Variants in SLC9A9 observed in about 807,000 individuals in gnomAD.
SLC9A9 encodes solute carrier family 9 member A9.
A neutral mutation model predicts 77.8 loss-of-function variants in SLC9A9; 62 were observed. The ratio of observed to expected loss-of-function variants is 0.80; its 90% CI spans 0.65 to 0.98. The LOEUF (loss-of-function observed/expected upper bound fraction) is 0.98, where lower values mean the gene tolerates loss of function less well. Ranked by LOEUF, SLC9A9 falls within the 50% of genes least tolerant of loss-of-function variation. The pLI is 0.00. For missense variants in SLC9A9, 775 were observed against 774.9 expected, an observed-to-expected ratio of 1.00 and a Z score of 0.00; for synonymous variants, 320 against 283.5, an observed-to-expected ratio of 1.13 and a Z score of -1.29.
chr3:143,537,240 A>T (rs569499051), intron 9 of SLC9A9, among the ~76,000 whole-genome samples: 1 of 152,342 alleles, frequency 6.6e-6, no homozygotes, highest in East Asian at 1.9e-4. Flanking sequence ...CAGACTAAAT[A>T]AATTAGAAAT....
intron 8 of SLC9A9, among the ~76,000 whole-genome samples, chr3:143,568,074 A>G (rs78140166): frequency 0.047 from 7,142 of 152,228 alleles, 267 homozygotes; most frequent in African/African-American, 0.096. Context: ...TAGCATAATC[A>G]GAAAGGAATT....
chr3:143,674,999 T>C (rs1040341509), intron 5 of SLC9A9, among the ~76,000 whole-genome samples: 1 of 152,170 alleles, frequency 6.6e-6, no homozygotes, highest in African/African-American at 2.4e-5. Flanking sequence ...GTGTTGGACT[T>C]GACCCTGGAC....
intron 9 of SLC9A9, chr3:143,517,012 C>T (rs967991915): frequency 4.0e-5 from 28 of 698,640 alleles, no homozygotes; most frequent in Admixed American, 4.7e-5. Context: ...TGAGTTTGAG[C>T]AATTTCTGTT....
chr3:143,580,833 G>A (rs745349247), intron 6 of SLC9A9, among the ~76,000 whole-genome samples: 1 of 152,172 alleles, frequency 6.6e-6, no homozygotes, highest in African/African-American at 2.4e-5. Context: ...TATGGAGATT[G>A]TCCATTGAAT....
At chr3:143,424,417 A>G (rs1212491365) in intron 12 of SLC9A9, among the ~76,000 whole-genome samples, 2 of 151,846 alleles carry the variant, frequency 1.3e-5, no homozygotes, top group African/African-American at 4.8e-5. Flanking sequence ...AGCTGGGACT[A>G]CAGGCGCCCA....
chr3:143,267,907 G>T (rs1395614060), intron 15 of SLC9A9, among the ~76,000 whole-genome samples: 2 of 152,216 alleles, frequency 1.3e-5, no homozygotes, highest in Non-Finnish European at 2.9e-5. Context: ...TAGGGCAGTG[G>T]TTTCCAACTT....
At chr3:143,397,409 A>G (rs942944792) in intron 12 of SLC9A9, among the ~76,000 whole-genome samples, 46 of 152,310 alleles carry the variant, frequency 3.0e-4, no homozygotes, top group Admixed American at 2.4e-3. Context: ...AAAAAGAGGG[A>G]CATTTTATCA....
chr3:143,323,777 A>G (rs371396553), intron 14 of SLC9A9, among the ~76,000 whole-genome samples: 3 of 152,336 alleles, frequency 2.0e-5, no homozygotes, highest in African/African-American at 7.2e-5. Context: ...AATGTACTCT[A>G]TATTTGTACA....
intron 11 of SLC9A9, among the ~76,000 whole-genome samples, chr3:143,481,721 T>C (rs895394373): frequency 6.6e-6 from 1 of 152,204 alleles, no homozygotes; most frequent in South Asian, 2.1e-4. Context: ...AGGGATGCCA[T>C]AGCTGCTGGC....
At chr3:143,598,509 A>G (rs773937290) in intron 6 of SLC9A9, among the ~76,000 whole-genome samples, 1 of 152,246 alleles carries the variant, frequency 6.6e-6, no homozygotes, top group African/African-American at 2.4e-5. Context: ...CAGTTTTCTC[A>G]GGCAGATTCT....
At chr3:143,667,779 T>C (rs2039093413) in intron 5 of SLC9A9, among the ~76,000 whole-genome samples, 1 of 152,116 alleles carries the variant, frequency 6.6e-6, no homozygotes, top group Non-Finnish European at 1.5e-5. Context: ...AAAACCACAA[T>C]GAGAGAACAT....
At chr3:143,743,327 GATTT>G (rs1369968504) in intron 4 of SLC9A9, among the ~76,000 whole-genome samples, 1 of 151,884 alleles carries the variant, frequency 6.6e-6, no homozygotes, top group Non-Finnish European at 1.5e-5. Context: ...GATGAGAGGG[GATTT>G]ATTAGGGGAA....
rs556954738 is a variant in SLC9A9 at position 143,498,184 on chromosome 3, G to A, written c.1090-2736C>T. Among the ~76,000 whole-genome samples the A allele has an allele frequency of 3.7e-4, 57 of 152,228 alleles. No individual in the cohort carries two copies. The South Asian group carries it at 5.0e-3, about 13-fold the overall frequency. ...AAAGTTTTGTTTTGCATTAAGGTCC[G>A]TTTTTGAACCTGCTCTTTGTTCGTG... On this transcript the variant is annotated intron_variant, in intron 9 of 15. Coordinates refer to ENST00000316549, the MANE Select transcript of SLC9A9 (RefSeq NM_173653.4).
intron 2 of SLC9A9, among the ~76,000 whole-genome samples, chr3:143,822,579 C>T (rs1316975910): frequency 6.6e-6 from 1 of 152,186 alleles, no homozygotes; most frequent in East Asian, 1.9e-4. Context: ...GAGCCTACCT[C>T]AGGCTGTATC....
At chr3:143,328,766 T>G (rs1252609189) in intron 14 of SLC9A9, among the ~76,000 whole-genome samples, 1 of 152,220 alleles carries the variant, frequency 6.6e-6, no homozygotes, top group Non-Finnish European at 1.5e-5. Flanking sequence ...TCTCCTTGAT[T>G]AGCTTGATTT....
chr3:143,346,286 G>A (rs1486302035), intron 14 of SLC9A9, among the ~76,000 whole-genome samples: 1 of 152,114 alleles, frequency 6.6e-6, no homozygotes, highest in Non-Finnish European at 1.5e-5. Flanking sequence ...AACAATGGAG[G>A]GAGAGGATGA....
chr3:143,478,506 C>T (rs1205046785), intron 11 of SLC9A9, among the ~76,000 whole-genome samples: 1 of 152,186 alleles, frequency 6.6e-6, no homozygotes, highest in East Asian at 1.9e-4. Flanking sequence ...CTCACAGAGG[C>T]TTGGTCAGTC....
Position 143,266,860 on chromosome 3 carries a change from G to C in SLC9A9, c.1780C>G (p.Gln594Glu). Residue 594 changes from glutamine to glutamate, a missense_variant, in exon 16 of 16, where the codon CAA (glutamine) becomes GAA (glutamate). Gln to Glu is a conservative substitution (Grantham distance 29, BLOSUM62 2). Coordinates refer to ENST00000316549, the MANE Select transcript of SLC9A9 (RefSeq NM_173653.4). ...QDELAINYQE[Q>E]ASSPCSPPAR... ...GGAGGACTGCAGGGTGAGGAGGCTT[G>C]CTCCTGGTAATTTATGGCTAGTTCA... The C allele has an allele frequency of 6.2e-7, 1 of 1,614,186 alleles. No individual in the cohort carries two copies. Among genetic ancestry groups the C allele is most frequent in the East Asian group, 2.2e-5 (1 of 44,872 alleles).
At chr3:143,546,738 T>C (rs2036798495) in intron 9 of SLC9A9, among the ~76,000 whole-genome samples, 1 of 152,212 alleles carries the variant, frequency 6.6e-6, no homozygotes, top group African/African-American at 2.4e-5. Flanking sequence ...AAAACTCTAA[T>C]ACATCATTTT....
Sources: allele counts gnomAD v4.1 joint callset (sites outside exome capture counted in the v4.1 genomes callset), GRCh38; gene constraint gnomAD v4.1.1; transcripts MANE v1.5; gene names NCBI Gene and HGNC (gene_info 2026-07-23, HGNC 2026-07-21).